The following SDHB variants were observed in gnomAD, a reference collection of about 807,000 sequenced individuals.
SDHB encodes the protein succinate dehydrogenase [ubiquinone] iron-sulfur subunit, mitochondrial.
A neutral mutation model predicts 39.7 loss-of-function variants in SDHB; 21 were observed. That is an observed-to-expected ratio of 0.53 (90% CI 0.37 to 0.76). The LOEUF is 0.76. Ranked by LOEUF, SDHB falls within the 30% of genes least tolerant of loss-of-function variation. The pLI, the probability that SDHB is intolerant of heterozygous loss-of-function variation, is 0.00. For missense variants in SDHB, 343 were observed against 350.9 expected, an observed-to-expected ratio of 0.98 and a Z score of 0.18; for synonymous variants, 118 against 117.0, an observed-to-expected ratio of 1.01 and a Z score of -0.06.
At chr1:17,042,186 G>A (rs757707731) in intron 2 of SDHB, among the ~76,000 whole-genome samples, 11 of 152,182 alleles carry the variant, frequency 7.2e-5, no homozygotes, top group Admixed American at 2.0e-4. Context: ...CACCCAGTCG[G>A]ATTGTGGTTT....
At chr1:17,045,425 G>A (rs1014779463) in intron 1 of SDHB, among the ~76,000 whole-genome samples, 26 of 152,048 alleles carry the variant, frequency 1.7e-4, no homozygotes, top group Admixed American at 4.6e-4. Flanking sequence ...AGCAGTCTGG[G>A]AAACATGGCA....
intron 2 of SDHB, among the ~76,000 whole-genome samples, chr1:17,033,851 G>T (rs2078035459): frequency 6.6e-6 from 1 of 152,228 alleles, no homozygotes; most frequent in African/African-American, 2.4e-5. Flanking sequence ...CTTTACAGCA[G>T]CATCTGACAT....
chr1:17,050,748 G>A (rs2101548051), intron 1 of SDHB, among the ~76,000 whole-genome samples: 1 of 152,250 alleles, frequency 6.6e-6, no homozygotes, highest in Non-Finnish European at 1.5e-5. Flanking sequence ...AATCACCAGA[G>A]TGGTCATGGT....
At position 17,024,081 on chromosome 1, in the gene SDHB, G is replaced by GGGGAGAAAAGA. The variant is rs1553177448; in HGVS notation, c.541-18_541-8dup. On this transcript the variant is annotated splice_polypyrimidine_tract_variant and splice_region_variant and intron_variant, in intron 5 of 7. Transcript: ENST00000375499. ...TGCACTCGTAGAGCCCGTCCTGTATGGGGAGAAAAGAGAGGCAGGAGCTTG... is the reference window on the plus strand; with the variant it reads ...TGCACTCGTAGAGCCCGTCCTGTATGGGGAGAAAAGAGGGAGAAAAGAGAGGCAGGAGCTTG... 3.7e-6 allele frequency: 6 copies of GGGGAGAAAAGA among 1,601,866 alleles called. No homozygotes were observed. The highest frequency in any genetic ancestry group is 5.1e-6 in the Non-Finnish European group (6 of 1,170,382).
intron 3 of SDHB, among the ~76,000 whole-genome samples, chr1:17,030,840 C>A (rs906089119): frequency 1.3e-5 from 2 of 152,058 alleles, no homozygotes; most frequent in East Asian, 3.9e-4. Context: ...CGCCACCACA[C>A]CTGGCTAATT....
chr1:17,051,894 T>C (rs144207780), intron 1 of SDHB, among the ~76,000 whole-genome samples: 1 of 151,508 alleles, frequency 6.6e-6, no homozygotes, highest in African/African-American at 2.4e-5. Flanking sequence ...CAGGATGGAG[T>C]GCAATGGTGC....
intron 2 of SDHB, 102 bp downstream of exon 2, chr1:17,044,659 G>A (rs1219121895): frequency 1.8e-5 from 25 of 1,361,838 alleles, no homozygotes; most frequent in Admixed American, 6.7e-5. Context: ...CAGAGCCATC[G>A]GATGATCTCA....
At chr1:17,025,535 G>A (rs894504964) in intron 5 of SDHB, among the ~76,000 whole-genome samples, 3 of 151,742 alleles carry the variant, frequency 2.0e-5, no homozygotes, top group African/African-American at 7.3e-5. Flanking sequence ...TCAGCCTCCT[G>A]AGTAGCTGGG....
Position 17,029,093 on chromosome 1 carries a change from GTTTTTTTTTTTT to G in SDHB, c.287-369_287-358del, listed in dbSNP as rs746243819. On this transcript the variant is annotated intron_variant, in intron 3 of 7. Transcript: ENST00000375499. ...ACGTGTTTTGAAGAAAAATCAGCCT[GTTTTTTTTTTTT>G]TTTTTTTTTTTTTTTTTAAAGAAAG... is the stretch of plus-strand genomic sequence containing the variant. Among the ~76,000 whole-genome samples the G allele has an allele frequency of 4.9e-4, 35 of 72,034 alleles. No individual in the cohort carries two copies. In the South Asian group the frequency reaches 0.013, roughly 26 times the overall value. 47.3% of individuals were successfully genotyped at this position (72,034 alleles called of 152,430 possible). A position where few individuals can be genotyped will look rare whatever the true frequency, so the allele number is the denominator to read the frequency against.
chr1:17,044,657 T>C lies in SDHB; in HGVS notation c.200+104A>G, dbSNP rs12073028. 813,840 of 1,345,934 alleles carry C rather than the reference T, an allele frequency of 0.6. 250,233 individuals carry two copies. Among genetic ancestry groups the C allele is most frequent in the Non-Finnish European group, 0.64 (605,884 of 946,980 alleles). The allele number at this position is 1,345,934 out of a possible 1,614,324, so 83.4% of individuals were successfully genotyped here. ...CATTCTTGTTTTAAAAACAGAGCCA[T>C]CGGATGATCTCAGATTTTTAAGCCT... On this transcript the variant is annotated intron_variant, in intron 2 of 7. Transcript: ENST00000375499.
intron 3 of SDHB, among the ~76,000 whole-genome samples, chr1:17,029,401 G>T (rs113734202): frequency 0.033 from 4,924 of 151,244 alleles, 102 homozygotes; most frequent in Non-Finnish European, 0.047. Context: ...GGGATTACAG[G>T]TCTGGGCCAC....
chr1:17,052,200 A>T (rs991098423), intron 1 of SDHB: 1 of 152,240 alleles, frequency 6.6e-6, no homozygotes, highest in African/African-American at 2.4e-5. Flanking sequence ...CATAGTCCAG[A>T]TGAAGAAATA....
At chr1:17,039,347 G>A (rs2078066762) in intron 2 of SDHB, among the ~76,000 whole-genome samples, 1 of 151,214 alleles carries the variant, frequency 6.6e-6, no homozygotes, top group Non-Finnish European at 1.5e-5. Context: ...CACTTTGGAA[G>A]GCTGATGCAG....
intron 2 of SDHB, among the ~76,000 whole-genome samples, chr1:17,034,473 C>T (rs188169658): frequency 5.7e-4 from 87 of 152,082 alleles, no homozygotes; most frequent in Admixed American, 2.6e-4. Context: ...CTCTACCTTC[C>T]GGGTTCAAGC....
chr1:17,039,841 GCTTTA>G (rs2078071097), intron 2 of SDHB, among the ~76,000 whole-genome samples: 1 of 151,998 alleles, frequency 6.6e-6, no homozygotes, highest in Non-Finnish European at 1.5e-5. Flanking sequence ...TAATAACTTT[GCTTTA>G]AACAGTCATA....
intron 7 of SDHB, among the ~76,000 whole-genome samples, chr1:17,020,319 C>G (rs1330578068): frequency 1.3e-5 from 2 of 152,334 alleles, no homozygotes; most frequent in South Asian, 2.1e-4. Flanking sequence ...ACTGACCTGA[C>G]AGTGATCTGG....
intron 1 of SDHB, among the ~76,000 whole-genome samples, chr1:17,048,082 C>T (rs1367761439): frequency 1.3e-5 from 2 of 152,178 alleles, no homozygotes; most frequent in Non-Finnish European, 2.9e-5. Context: ...GGGGACATTC[C>T]CATAAGCACA....
chr1:17,049,647 C>CTTTTTTCTTTTTTTTTTT (rs2078133869), intron 1 of SDHB, among the ~76,000 whole-genome samples: 1 of 52,064 alleles, frequency 1.9e-5, no homozygotes, highest in African/African-American at 9.8e-5. Flanking sequence ...TCCCCTAGTT[C>CTTTTTTCTTTTTTTTTTT]TTTTTTTTTT....
At chr1:17,025,804 A>C (rs191412442) in intron 5 of SDHB, among the ~76,000 whole-genome samples, 6 of 152,342 alleles carry the variant, frequency 3.9e-5, no homozygotes, top group African/African-American at 1.4e-4. Flanking sequence ...TAAATGAGTA[A>C]ATGAGTAAAT....
Sources: gnomAD v4.1 joint callset for allele counts (sites outside exome capture counted in the v4.1 genomes callset) on GRCh38, gnomAD v4.1.1 for gene constraint, MANE v1.5 for transcripts, NCBI Gene and HGNC (gene_info 2026-07-23, HGNC 2026-07-21) for gene names.